The following ASPSCR1 variants were observed in gnomAD, a reference collection of about 807,000 sequenced individuals.
ASPSCR1 encodes tether containing UBX domain for GLUT4.
In ASPSCR1, 55 loss-of-function variants were observed where a neutral mutation model predicts 68.9. That is an observed-to-expected ratio of 0.80 (90% CI 0.64 to 1.00). The LOEUF is 1.00. Ranked by LOEUF, ASPSCR1 falls within the 50% of genes least tolerant of loss-of-function variation. ASPSCR1 has a pLI of 0.00. For missense variants in ASPSCR1, 765 were observed against 762.2 expected (o/e 1.00, Z -0.04); for synonymous variants, 352 against 332.6 (o/e 1.06, Z -0.63).
At chr17:82,010,651 A>G in intron 9 of ASPSCR1, 151 bp from the exon 10 acceptor site, 2 of 738,780 alleles carry the variant, frequency 2.7e-6, no homozygotes, top group East Asian at 5.3e-5. Context: ...GCCACGGGGG[A>G]GTCAAAGCCC....
In ASPSCR1 at chr17:82,002,996, T is replaced by C. The variant is rs559242741; in HGVS notation, c.934-6041T>C. 2.6e-5 allele frequency among the ~76,000 whole-genome samples: 4 copies of C among 152,318 alleles called. No homozygotes were observed. In the East Asian group the frequency reaches 7.7e-4, roughly 29 times the overall value. The stretch of plus-strand genomic sequence containing the variant: ...TTCAAGCGATTTTCGTGTCTCAGCC[T>C]CCTGAATAGCTGGGATTACAGGTGC... On this transcript the variant is annotated intron_variant, in intron 7 of 15. Coordinates refer to ENST00000306739, the MANE Select transcript of ASPSCR1 (RefSeq NM_024083.4).
In ASPSCR1 at chr17:81,985,504, C is replaced by T. The variant is rs754382108; in HGVS notation, c.274-3C>T. ...GAAGTTTCTCATGTCTTATACCCTCCAGGTTCGCATCGCTTTGCAGCTGGA... is the reference window on the plus strand; with the variant it reads ...GAAGTTTCTCATGTCTTATACCCTCTAGGTTCGCATCGCTTTGCAGCTGGA... On this transcript the variant is annotated splice_polypyrimidine_tract_variant and splice_region_variant and intron_variant, in intron 3 of 15. Coordinates refer to ENST00000306739, the MANE Select transcript of ASPSCR1 (RefSeq NM_024083.4). 10 of 1,613,796 alleles carry T rather than the reference C, an allele frequency of 6.2e-6. No homozygotes were observed. The highest frequency in any genetic ancestry group is 4.5e-5 in the East Asian group (2 of 44,894).
Position 82,012,217 on chromosome 17 carries a change from C to G in ASPSCR1, c.1301-14C>G, listed in dbSNP as rs1269713072. The G allele has an allele frequency of 6.2e-7, 1 of 1,613,018 alleles. No individual in the cohort carries two copies. The highest frequency in any genetic ancestry group is 1.7e-5 in the Admixed American group (1 of 60,026). On this transcript the variant is annotated splice_polypyrimidine_tract_variant and intron_variant, in intron 11 of 15. Transcript: ENST00000306739. ...CACGGTGCTTCCTAACACGTAGGTG[C>G]CTTCTCTCCTCAGTCATCACCCCTC... is the stretch of plus-strand genomic sequence containing the variant.
chr17:81,984,754 C>G (rs1200189344), intron 3 of ASPSCR1, among the ~76,000 whole-genome samples: 1 of 151,744 alleles, frequency 6.6e-6, no homozygotes, highest in Non-Finnish European at 1.5e-5. Context: ...CAGTTCACTC[C>G]TGTGGCGCCT....
intron 4 of ASPSCR1, 64 bp from the exon 5 acceptor site, chr17:81,994,757 G>T (rs1321649101): frequency 1.3e-6 from 2 of 1,535,748 alleles, no homozygotes; most frequent in African/African-American, 1.4e-5. Context: ...TCCTGCCCCA[G>T]GGCCTCCGTG....
rs1447426093 is a variant in ASPSCR1 at position 82,011,491 on chromosome 17, C to A, written c.1238-52C>A. 2.0e-5 allele frequency: 31 copies of A among 1,530,594 alleles called. No individual in the cohort carries two copies. In the South Asian group the frequency reaches 3.4e-4, roughly 17 times the overall value. The allele number at this position is 1,530,594 out of a possible 1,614,324, so 94.8% of individuals were successfully genotyped here. The stretch of plus-strand genomic sequence containing the variant: ...CAGTGGCCCAGGTGCTGGGGCAGCC[C>A]GGGGCTGGCGTGGTGGAAGAGCTGT... On this transcript the variant is annotated intron_variant, in intron 10 of 15. Coordinates refer to ENST00000306739, the MANE Select transcript of ASPSCR1 (RefSeq NM_024083.4).
At chr17:82,016,753 G>A in intron 13 of ASPSCR1, 47 bp from the exon 14 acceptor site, 1 of 1,585,238 alleles carries the variant, frequency 6.3e-7, no homozygotes. Flanking sequence ...TGGATGGTGA[G>A]TGGACCCCTC....
intron 12 of ASPSCR1, chr17:82,014,801 G>T: frequency 7.4e-6 from 4 of 538,386 alleles, no homozygotes; most frequent in South Asian, 6.6e-5. Context: ...ACTGAGTGGG[G>T]CAAGGGGTTG....
rs1386667796 is a variant in ASPSCR1 at position 81,990,072 on chromosome 17, G to C, written c.374+4465G>C. Among the ~76,000 whole-genome samples, 2 of 152,190 alleles carry C rather than the reference G, an allele frequency of 1.3e-5. No individual in the cohort carries two copies. The highest frequency in any genetic ancestry group is 4.8e-5 in the African/African-American group (2 of 41,454). ...TTACAGGCGTGAGCCACCACACCTG[G>C]CCAATCACTCACTTTTTCTTGTAAC... On this transcript the variant is annotated intron_variant, in intron 4 of 15. Transcript: ENST00000306739. The surrounding 1 kb of genome is among the most constrained non-coding windows in gnomAD (Gnocchi z 4.1).
chr17:81,986,501 C>T lies in ASPSCR1; in HGVS notation c.374+894C>T, dbSNP rs1013238580. Among the ~76,000 whole-genome samples, 2 of 152,292 alleles carry T rather than the reference C, an allele frequency of 1.3e-5. No homozygotes were observed. The highest frequency in any genetic ancestry group is 1.9e-4 in the East Asian group (1 of 5,190). Reference sequence around the variant, plus strand: ...GTCGGTTAATGGTTTAAACGTTGTTCCTGAATGTGTAAAAATTGGTGCTTT... The same window carrying T: ...GTCGGTTAATGGTTTAAACGTTGTTTCTGAATGTGTAAAAATTGGTGCTTT... On this transcript the variant is annotated intron_variant, in intron 4 of 15. Transcript: ENST00000306739. This position sits in a 1 kb window ranked among gnomAD's most constrained non-coding sequence, Gnocchi z 5.2.
At chr17:82,016,912 C>A (rs368765562) in intron 14 of ASPSCR1, 29 bp from the exon 15 acceptor site, 1 of 1,611,876 alleles carries the variant, frequency 6.2e-7, no homozygotes, top group Non-Finnish European at 8.5e-7. Flanking sequence ...TGGCGGCACT[C>A]ACCACTCTGT....
intron 4 of ASPSCR1, 29 bp downstream of exon 4, chr17:81,985,636 C>T (rs1413011182): frequency 9.4e-6 from 15 of 1,597,976 alleles, no homozygotes; most frequent in Non-Finnish European, 1.2e-5. Context: ...GGGGCTCTTC[C>T]CTACCCTGTT....
intron 10 of ASPSCR1, 124 bp downstream of exon 10, chr17:82,010,992 G>A: frequency 8.5e-7 from 1 of 1,182,060 alleles, no homozygotes; most frequent in Non-Finnish European, 1.2e-6. Context: ...CACTGGGTGG[G>A]TGCGGGTGCT....
At chr17:81,985,021 C>A in intron 3 of ASPSCR1, among the ~76,000 whole-genome samples, 1 of 131,988 alleles carries the variant, frequency 7.6e-6, no homozygotes, top group East Asian at 2.3e-4. Context: ...CACACACCGC[C>A]CACACCAACA....
At chr17:82,006,762 CCT>C (rs2042734827) in intron 7 of ASPSCR1, 1 of 152,338 alleles carries the variant, frequency 6.6e-6, no homozygotes, top group African/African-American at 2.4e-5. Flanking sequence ...CATCCCTCAA[CCT>C]CTGTTTTCCA....
Position 81,996,554 on chromosome 17 carries a change from G to T in ASPSCR1, c.641G>T (p.Arg214Leu), listed in dbSNP as rs375727115. ...GAGCTCAGCCGCGGCGACTTGAGCC[G>T]TCCGGAGGACGCGGACACCTCAGGG... ...SGELSRGDLS[R>L]PEDADTSGPC... The change falls in exon 7 of 16, where the codon CGT (arginine) becomes CTT (leucine). Residue 214 changes from arginine to leucine, a missense_variant. Arg to Leu is a moderately radical substitution (Grantham distance 102). Coordinates refer to ENST00000306739, the MANE Select transcript of ASPSCR1 (RefSeq NM_024083.4). 8.9e-5 allele frequency: 143 copies of T among 1,612,770 alleles called. No homozygotes were observed. Among genetic ancestry groups the T allele is most frequent in the Non-Finnish European group, 1.2e-4 (138 of 1,179,624 alleles).
At chr17:82,015,862 A>G (rs958566220) in intron 12 of ASPSCR1, 4 of 176,734 alleles carry the variant, frequency 2.3e-5, no homozygotes, top group Admixed American at 5.4e-5. Context: ...CTCTGCTCAC[A>G]AGGCTTTGAT....
chr17:81,995,611 A>G (rs1183090207), intron 5 of ASPSCR1: 8 of 417,548 alleles, frequency 1.9e-5, no homozygotes. Context: ...CGAGCTGAGC[A>G]CCAGGAATGG....
chr17:82,001,673 C>T (rs886068423), intron 7 of ASPSCR1, among the ~76,000 whole-genome samples: 68 of 152,298 alleles, frequency 4.5e-4, no homozygotes, highest in Non-Finnish European at 8.4e-4. Context: ...TGCTGCAGGG[C>T]GCAGACCCCA....
Sources: gnomAD v4.1 joint callset for allele counts (sites outside exome capture counted in the v4.1 genomes callset) on GRCh38, gnomAD v4.1.1 for gene constraint, Gnocchi (gnomAD v3.1) non-coding constraint, MANE v1.5 for transcripts, NCBI Gene and HGNC (gene_info 2026-07-23, HGNC 2026-07-21) for gene names.